The following ZNF469 variants were observed in gnomAD, a reference collection of about 807,000 sequenced individuals.
ZNF469 encodes zinc finger protein 469.
In ZNF469, 1 loss-of-function variant was observed where a neutral mutation model predicts 1.0. The ratio of observed to expected loss-of-function variants is 1.00; its 90% CI spans 0.35 to 4.73. The LOEUF is 4.73. ZNF469 is among the 30% of genes most tolerant of loss of function. The pLI is 0.16. For synonymous variants in ZNF469, 2,703 were observed against 2,363.4 expected (o/e 1.14, Z -4.17); for missense variants, 6,100 against 5,356.3 (o/e 1.14, Z -4.33).
In ZNF469 at chr16:88,385,169, G is replaced by A. The variant is rs567681420; in HGVS notation, c.-192+1915G>A. Among the ~76,000 whole-genome samples, 20 of 152,236 alleles carry A rather than the reference G, an allele frequency of 1.3e-4. No individual in the cohort carries two copies. In the South Asian group the frequency reaches 3.7e-3, roughly 28 times the overall value. On this transcript the variant is annotated intron_variant, in intron 1 of 2. Transcript: ENST00000565624. Reference sequence around the variant, plus strand: ...TGCCCTTTCCTCGTGTTTGCTGAACGGAAGTAAACCTGAACACCAGGGTGG... The same window carrying A: ...TGCCCTTTCCTCGTGTTTGCTGAACAGAAGTAAACCTGAACACCAGGGTGG...
intron 1 of ZNF469, among the ~76,000 whole-genome samples, chr16:88,417,579 C>T (rs1331049180): frequency 6.6e-6 from 1 of 152,202 alleles, no homozygotes; most frequent in Non-Finnish European, 1.5e-5. Flanking sequence ...GGCCCCCAAA[C>T]GTTTCTCGCT....
intron 1 of ZNF469, among the ~76,000 whole-genome samples, chr16:88,394,081 G>A (rs1216417389): frequency 3.0e-5 from 4 of 133,302 alleles, no homozygotes; most frequent in African/African-American, 8.0e-5. Context: ...CCTGAGAGGA[G>A]CAGGGTTTGA....
chr16:88,124,976 A>G, the ZNF469 span, among the ~76,000 whole-genome samples: 118,483 of 152,212 alleles, frequency 0.78, 47,813 homozygotes, highest in Middle Eastern at 0.91. Flanking sequence ...AGGGTCATGA[A>G]TAATTTTTCC....
chr16:88,170,404 T>C, the ZNF469 span, among the ~76,000 whole-genome samples: 22 of 152,194 alleles, frequency 1.4e-4, no homozygotes, highest in Admixed American at 1.4e-3. The surrounding 1 kb of genome is among the most constrained non-coding windows in gnomAD (Gnocchi z 4.2). Flanking sequence ...ACTGTACAAC[T>C]GAAAGTTCTC....
the ZNF469 span, among the ~76,000 whole-genome samples, chr16:88,232,529 C>T: frequency 6.6e-6 from 1 of 152,196 alleles, no homozygotes; most frequent in Non-Finnish European, 1.5e-5. Context: ...CCTGATTAGG[C>T]CTGCCCTTTG....
At chr16:88,256,965 G>A in the ZNF469 span, among the ~76,000 whole-genome samples, 13 of 91,278 alleles carry the variant, frequency 1.4e-4, 1 homozygote, top group South Asian at 1.2e-3. Context: ...CTTTTCTTTC[G>A]TTGATGGAGT....
At chr16:88,259,564 C>T in the ZNF469 span, among the ~76,000 whole-genome samples, 3 of 152,194 alleles carry the variant, frequency 2.0e-5, no homozygotes. This position sits in a 1 kb window ranked among gnomAD's most constrained non-coding sequence, Gnocchi z 4.1. Context: ...GGGGGCCTGT[C>T]CAGCCTCCAA....
At chr16:88,157,441 C>T in the ZNF469 span, among the ~76,000 whole-genome samples, 5 of 152,120 alleles carry the variant, frequency 3.3e-5, no homozygotes, top group Admixed American at 1.3e-4. Context: ...GTGGACAGTT[C>T]GAGCTGTGTC....
intron 1 of ZNF469, among the ~76,000 whole-genome samples, chr16:88,384,657 C>T (rs2092533377): frequency 6.6e-6 from 1 of 152,210 alleles, no homozygotes; most frequent in Non-Finnish European, 1.5e-5. Context: ...CCAGGGCCTT[C>T]TCAAAGGGAA....
the ZNF469 span, among the ~76,000 whole-genome samples, chr16:88,241,616 C>T: frequency 6.6e-6 from 1 of 152,312 alleles, no homozygotes; most frequent in East Asian, 1.9e-4. This position sits in a 1 kb window ranked among gnomAD's most constrained non-coding sequence, Gnocchi z 4.8. Context: ...GCAGAGCCCA[C>T]TGGCAGGGAG....
chr16:88,224,381 C>T, the ZNF469 span, among the ~76,000 whole-genome samples: 1 of 152,218 alleles, frequency 6.6e-6, no homozygotes, highest in African/African-American at 2.4e-5. Flanking sequence ...TGGTTTTTAA[C>T]GTCACTGTTG....
At chr16:88,313,252 G>A in the ZNF469 span, among the ~76,000 whole-genome samples, 1 of 152,152 alleles carries the variant, frequency 6.6e-6, no homozygotes, top group African/African-American at 2.4e-5. Context: ...TGAGAAAGCT[G>A]TTGATATTTG....
At chr16:88,406,270 G>A (rs755085424) in intron 1 of ZNF469, among the ~76,000 whole-genome samples, 9 of 152,214 alleles carry the variant, frequency 5.9e-5, no homozygotes, top group Admixed American at 1.3e-4. Context: ...ATGTGTGCAC[G>A]TGTGTGTTCA....
At chr16:88,334,010 T>TTG in the ZNF469 span, among the ~76,000 whole-genome samples, 10 of 148,520 alleles carry the variant, frequency 6.7e-5, no homozygotes, top group South Asian at 2.2e-4. Flanking sequence ...GTCTATGTGT[T>TTG]TGTGTGTGTG....
the ZNF469 span, among the ~76,000 whole-genome samples, chr16:88,279,583 C>T: frequency 0.032 from 3,479 of 107,592 alleles, 94 homozygotes; most frequent in Middle Eastern, 0.078. Context: ...CACTGACACT[C>T]GGTCAGTACC....
chr16:88,184,680 G>C, the ZNF469 span, among the ~76,000 whole-genome samples: 295 of 152,046 alleles, frequency 1.9e-3, 1 homozygote, highest in African/African-American at 6.7e-3. Flanking sequence ...GATTAGGGAC[G>C]CTCCACGGAC....
At chr16:88,227,575 C>CG in the ZNF469 span, among the ~76,000 whole-genome samples, 15 of 136,818 alleles carry the variant, frequency 1.1e-4, no homozygotes, top group African/African-American at 3.7e-4. Flanking sequence ...CCCGGCCTGG[C>CG]CCCCCCCTTC....
chr16:88,301,459 G>T, the ZNF469 span, among the ~76,000 whole-genome samples: 3 of 152,158 alleles, frequency 2.0e-5, no homozygotes, highest in Non-Finnish European at 4.4e-5. Context: ...CAGTGGCCAC[G>T]CTTCTCTAAG....
chr16:88,335,235 T>C, the ZNF469 span, among the ~76,000 whole-genome samples: 486 of 152,092 alleles, frequency 3.2e-3, 2 homozygotes, highest in African/African-American at 0.011. Context: ...AGCTTAACTG[T>C]AGGGTCAGAT....
Sources: gnomAD v4.1 joint callset for allele counts (sites outside exome capture counted in the v4.1 genomes callset) on GRCh38, gnomAD v4.1.1 for gene constraint, Gnocchi (gnomAD v3.1) non-coding constraint, MANE v1.5 for transcripts, NCBI Gene and HGNC (gene_info 2026-07-23, HGNC 2026-07-21) for gene names.